Variants in ADGRB1 observed in about 807,000 individuals in gnomAD.
The protein encoded by ADGRB1 is brain-specific angiogenesis inhibitor 1.
Under a neutral mutation model 175.7 loss-of-function variants are expected in ADGRB1, and 36 were observed. That is an observed-to-expected ratio of 0.20 (90% CI 0.16 to 0.27). ADGRB1 has a LOEUF of 0.27. Among genes scored for constraint, ADGRB1 ranks in the 10% least tolerant of loss-of-function variants. ADGRB1 has a pLI of 1.00. For missense variants in ADGRB1, 1,731 were observed against 2,255.3 expected (o/e 0.77, Z 4.71); for synonymous variants, 1,054 against 979.4 (o/e 1.08, Z -1.42).
intron 24 of ADGRB1, among the ~76,000 whole-genome samples, chr8:142,532,635 C>A (rs1021089507): frequency 1.3e-5 from 2 of 152,116 alleles, no homozygotes; most frequent in African/African-American, 2.4e-5. Context: ...CTGGCCTTGG[C>A]CGTCTGTCTG....
chr8:142,542,905 C>G lies in ADGRB1; in HGVS notation c.4413+258C>G, dbSNP rs1446376495. ...ACAGTCTGGACCCACGGAGCAGGAC[C>G]TGCACCTCGCACAGTCGCTAGTCCA... On this transcript the variant is annotated intron_variant, in intron 28 of 30. Coordinates refer to ENST00000517894, the MANE Select transcript of ADGRB1 (RefSeq NM_001702.3). This position sits in a 1 kb window ranked among gnomAD's most constrained non-coding sequence, Gnocchi z 6.3. Among the ~76,000 whole-genome samples, 1 of 152,214 alleles carries G rather than the reference C, an allele frequency of 6.6e-6. No individual in the cohort carries two copies. Among genetic ancestry groups the G allele is most frequent in the Non-Finnish European group, 1.5e-5 (1 of 68,030 alleles).
At position 142,464,361 on chromosome 8, in the gene ADGRB1, T is replaced by A; in HGVS notation, c.163T>A (p.Phe55Ile). The change falls in exon 2 of 31, where the codon TTC becomes ATC. Residue 55 changes from phenylalanine to isoleucine, a missense_variant. By Grantham distance (21) the Phe-to-Ile change is conservative. Around this residue, in one of 8 missense-constraint regions of ADGRB1, gnomAD observed 383 missense variants for 383.1 expected, o/e 1.00. Transcript: ENST00000517894. ...GGTGCAGGGAAAGTTCTTCGGCTACTTCTCCGCGGCCGCCGTGTTCCCGGC... is the reference window on the plus strand; with the variant it reads ...GGTGCAGGGAAAGTTCTTCGGCTACATCTCCGCGGCCGCCGTGTTCCCGGC... ...TLVQGKFFGY[F>I]SAAAVFPANA... is the part of the protein sequence containing the mutation. 2 of 1,520,864 alleles carry A rather than the reference T, an allele frequency of 1.3e-6. No individual in the cohort carries two copies. The highest frequency in any genetic ancestry group is 1.8e-6 in the Non-Finnish European group (2 of 1,138,866). The allele number at this position is 1,520,864 out of a possible 1,614,324, so 94.2% of individuals were successfully genotyped here.
rs553096614 is a variant in ADGRB1 at position 142,453,083 on chromosome 8, C to T, written c.-220+2979C>T. Among the ~76,000 whole-genome samples the T allele has an allele frequency of 1.6e-4, 22 of 141,438 alleles. No homozygotes were observed. The East Asian group carries it at 2.1e-3, about 13-fold the overall frequency. The allele number at this position is 141,438 out of a possible 152,430, so 92.8% of individuals were successfully genotyped here. ...TCGCCGTCCGCTCCCGCCGCCGGGT[C>T]CCGTGACGCGCCTCGCGTCTCGGCC... is the stretch of plus-strand genomic sequence containing the variant. On this transcript the variant is annotated intron_variant, in intron 1 of 30. Transcript: ENST00000517894.
intron 24 of ADGRB1, among the ~76,000 whole-genome samples, chr8:142,528,376 C>T (rs767748581): frequency 1.3e-4 from 20 of 152,186 alleles, no homozygotes; most frequent in Non-Finnish European, 2.2e-4. Context: ...ACAGCGCCCA[C>T]GCCCCAGGCC....
intron 26 of ADGRB1, 121 bp from the exon 27 acceptor site, chr8:142,539,253 C>A: frequency 2.0e-6 from 2 of 1,012,862 alleles, no homozygotes; most frequent in Non-Finnish European, 2.9e-6. Flanking sequence ...GGGCTGTGGA[C>A]ATGGACAGGG....
Position 142,464,995 on chromosome 8 carries a change from C to A in ADGRB1, c.784+13C>A. The A allele has an allele frequency of 1.6e-6, 2 of 1,261,274 alleles. No homozygotes were observed. The highest frequency in any genetic ancestry group is 2.4e-4 in the Middle Eastern group (1 of 4,122). 78.1% of individuals were successfully genotyped at this position (1,261,274 alleles called of 1,614,324 possible). A position where few individuals can be genotyped will look rare whatever the true frequency, so the allele number is the denominator to read the frequency against. On this transcript the variant is annotated intron_variant, in intron 2 of 30. Transcript: ENST00000517894. ...CACGGCGCCACAGGTGAGTGACTGG[C>A]GGGGAAACCTTCGGACAGGGGAGGT...
rs978080333 is a variant in ADGRB1, at chr8:142,455,232, C to G, written c.-220+5128C>G. Among the ~76,000 whole-genome samples the G allele has an allele frequency of 5.3e-5, 8 of 151,916 alleles. No individual in the cohort carries two copies. Among genetic ancestry groups the G allele is most frequent in the Non-Finnish European group, 8.8e-5 (6 of 67,972 alleles). The stretch of plus-strand genomic sequence containing the variant: ...CCCCAACACCAAAGCCAACAAACAC[C>G]TTCCCCCCATCACTCCCACTCGCCT... On this transcript the variant is annotated intron_variant, in intron 1 of 30. Transcript: ENST00000517894. This position sits in a 1 kb window ranked among gnomAD's most constrained non-coding sequence, Gnocchi z 4.9.
At chr8:142,518,938 G>A (rs1201261286) in intron 19 of ADGRB1, among the ~76,000 whole-genome samples, 1 of 152,218 alleles carries the variant, frequency 6.6e-6, no homozygotes, top group Admixed American at 6.5e-5. Flanking sequence ...GATGTCAGCC[G>A]ATAATCGGAA....
At chr8:142,485,073 C>T (rs1841594470) in intron 13 of ADGRB1, among the ~76,000 whole-genome samples, 1 of 152,088 alleles carries the variant, frequency 6.6e-6, no homozygotes, top group East Asian at 1.9e-4. Context: ...CCCTGTGGAG[C>T]TTTAGAGGCA....
intron 12 of ADGRB1, 62 bp downstream of exon 12, chr8:142,484,107 C>T (rs2131845518): frequency 6.8e-7 from 1 of 1,461,998 alleles, no homozygotes; most frequent in East Asian, 2.3e-5. Context: ...GCTGGTGCCT[C>T]CCTGGTCTCC....
chr8:142,521,041 G>A, intron 20 of ADGRB1, 116 bp downstream of exon 20: 1 of 944,776 alleles, frequency 1.1e-6, no homozygotes, highest in South Asian at 1.6e-5. Context: ...CGGGTGTGGG[G>A]GCAGGAGGAG....
At chr8:142,470,686 G>A (rs1840614942) in intron 2 of ADGRB1, among the ~76,000 whole-genome samples, 1 of 152,092 alleles carries the variant, frequency 6.6e-6, no homozygotes, top group South Asian at 2.1e-4. Flanking sequence ...GGTGTGGAGT[G>A]TGAACCCACA....
At chr8:142,475,417 CGT>C in intron 2 of ADGRB1, 55 bp from the exon 3 acceptor site, 1 of 1,247,844 alleles carries the variant, frequency 8.0e-7, no homozygotes, top group Non-Finnish European at 1.0e-6. Flanking sequence ...ATGACTTACC[CGT>C]CCAGGCCACG....
At chr8:142,541,904 A>C in intron 27 of ADGRB1, 37 bp from the exon 28 acceptor site, 1 of 1,510,948 alleles carries the variant, frequency 6.6e-7, no homozygotes, top group South Asian at 1.3e-5. Context: ...CCTCACCCCC[A>C]CACCTGTCCC....
In ADGRB1 at chr8:142,522,180, C is replaced by T. The variant is rs1385290862; in HGVS notation, c.3175+65C>T. 4 of 1,562,064 alleles carry T rather than the reference C, an allele frequency of 2.6e-6. No individual in the cohort carries two copies. The African/African-American group carries it at 5.4e-5, about 21-fold the overall frequency. Reference sequence around the variant, plus strand: ...TTCCTCCCCCACTGCTTGTTCTGTCCTGGCAGCCCCTCCTCTCCCCATCCC... The same window carrying T: ...TTCCTCCCCCACTGCTTGTTCTGTCTTGGCAGCCCCTCCTCTCCCCATCCC... On this transcript the variant is annotated intron_variant, in intron 21 of 30. Transcript: ENST00000517894.
rs565251569 is a variant in ADGRB1 at position 142,481,282 on chromosome 8, C to T, written c.1857C>T (p.Asp619=). 9.9e-6 allele frequency: 16 copies of T among 1,613,818 alleles called. No individual in the cohort carries two copies. The East Asian group carries it at 1.6e-4, about 16-fold the overall frequency. Residue 619 remains aspartate (D), a synonymous_variant, in exon 10 of 31, where the codon GAC becomes GAT. Coordinates refer to ENST00000517894, the MANE Select transcript of ADGRB1 (RefSeq NM_001702.3). ...TGLILRRCEL[D]EEGIAYWEPP... ...TCATCCTGCGACGGTGTGAGCTGGA[C>T]GAGGAAGGCATCGCCTACTGGGAGC...
intron 18 of ADGRB1, among the ~76,000 whole-genome samples, chr8:142,516,270 G>A (rs1206538842): frequency 1.4e-5 from 2 of 146,696 alleles, no homozygotes; most frequent in East Asian, 2.0e-4. Flanking sequence ...GCGTCTGTGC[G>A]GGCCCCAGTT....
At chr8:142,481,975 G>T (rs988457358) in intron 11 of ADGRB1, among the ~76,000 whole-genome samples, 4 of 148,138 alleles carry the variant, frequency 2.7e-5, no homozygotes, top group Non-Finnish European at 6.0e-5. Context: ...CCTGATCCTG[G>T]TCACACACTG....
intron 24 of ADGRB1, among the ~76,000 whole-genome samples, chr8:142,529,586 G>A (rs1844471356): frequency 6.6e-6 from 1 of 152,046 alleles, no homozygotes; most frequent in South Asian, 2.1e-4. Context: ...GTGCATGTGT[G>A]AGCGTGCATG....
Sources: allele counts gnomAD v4.1 joint callset (sites outside exome capture counted in the v4.1 genomes callset), GRCh38; gene constraint gnomAD v4.1.1; regional missense constraint gnomAD v4.1.1; non-coding constraint Gnocchi (gnomAD v3.1); transcripts MANE v1.5; gene names NCBI Gene and HGNC (gene_info 2026-07-23, HGNC 2026-07-21).